Variants in MTDH observed in about 807,000 individuals in gnomAD.
MTDH encodes metadherin.
MTDH carries 34 observed loss-of-function variants against 72.7 expected under a neutral mutation model. That is an observed-to-expected ratio of 0.47 (90% CI 0.36 to 0.62). The LOEUF (loss-of-function observed/expected upper bound fraction) is 0.62, where lower values mean the gene tolerates loss of function less well. Ranked by LOEUF, MTDH falls within the 20% of genes least tolerant of loss-of-function variation. The pLI is 0.00. For missense variants in MTDH, 677 were observed against 699.4 expected, an observed-to-expected ratio of 0.97 and a Z score of 0.36; for synonymous variants, 266 against 268.9, an observed-to-expected ratio of 0.99 and a Z score of 0.10.
Position 97,719,115 on chromosome 8 carries a change from A to G in MTDH, c.1447A>G (p.Lys483Glu). The G allele has an allele frequency of 6.2e-7, 1 of 1,614,116 alleles. No homozygotes were observed. Among genetic ancestry groups the G allele is most frequent in the Non-Finnish European group, 8.5e-7 (1 of 1,179,958 alleles). Residue 483 changes from lysine (K) to glutamate (E), a missense_variant, in exon 10 of 12, where the codon AAA becomes GAA. Lys to Glu is a moderately conservative substitution (Grantham distance 56, BLOSUM62 1). Around this residue, in one of 3 missense-constraint regions of MTDH, gnomAD observed 201 missense variants for 204.5 expected, o/e 0.98. Coordinates refer to ENST00000336273, the MANE Select transcript of MTDH (RefSeq NM_178812.4). ...LPVNTSKTRP[K>E]QEKAFSLKTI... ...AGTGAATACCTCTAAAACCCGTCCA[A>G]AACAGGAAAAAGCTTTTTCCTTGAA...
chr8:97,686,151 G>A (rs991817484), intron 2 of MTDH, among the ~76,000 whole-genome samples: 11 of 152,144 alleles, frequency 7.2e-5, no homozygotes, highest in Admixed American at 7.2e-4. Flanking sequence ...TCTGCTTTAT[G>A]CAATCCAAAA....
At chr8:97,672,041 A>G (rs878902642) in intron 2 of MTDH, among the ~76,000 whole-genome samples, 2 of 141,198 alleles carry the variant, frequency 1.4e-5, no homozygotes, top group Admixed American at 1.4e-4. Flanking sequence ...GAATATCTGC[A>G]TGCCCAAAGA....
chr8:97,697,191 G>A lies in MTDH; in HGVS notation c.1049-2563G>A, dbSNP rs562979858. On this transcript the variant is annotated intron_variant, in intron 6 of 11. Transcript: ENST00000336273. ...CCCAGTTTACTAATTTTGTAGTTCC[G>A]CAGCGTCTGGAATCACTAACCTAGA... 4.2e-3 allele frequency among the ~76,000 whole-genome samples: 541 copies of A among 127,642 alleles called. 9 individuals carry two copies. The highest frequency in any genetic ancestry group is 0.016 in the African/African-American group (490 of 31,180). The allele number at this position is 127,642 out of a possible 152,430, so 83.7% of individuals were successfully genotyped here.
At chr8:97,720,225 C>T (rs1185695108) in intron 10 of MTDH, among the ~76,000 whole-genome samples, 1 of 152,086 alleles carries the variant, frequency 6.6e-6, no homozygotes, top group African/African-American at 2.4e-5. Context: ...GCAGAGGTTG[C>T]AGTGAGCCAA....
chr8:97,697,883 T>C (rs972873900), intron 6 of MTDH, among the ~76,000 whole-genome samples: 1 of 152,150 alleles, frequency 6.6e-6, no homozygotes, highest in Non-Finnish European at 1.5e-5. Flanking sequence ...ATTCCCTTCA[T>C]ATATGCAGAG....
Position 97,644,478 on chromosome 8 carries a change from T to A in MTDH, c.-29T>A, listed in dbSNP as rs1373967462. The A allele has an allele frequency of 6.5e-7, 1 of 1,541,248 alleles. No homozygotes were observed. On this transcript the variant is annotated 5_prime_UTR_variant, in exon 1 of 12. Coordinates refer to ENST00000336273, the MANE Select transcript of MTDH (RefSeq NM_178812.4). ...ACTGCGTCTCCGCGCCCCGGCGTCATCCTGCGAGTCCCTCTGACGGGAGGG... is the reference window on the plus strand; with the variant it reads ...ACTGCGTCTCCGCGCCCCGGCGTCAACCTGCGAGTCCCTCTGACGGGAGGG...
chr8:97,690,560 T>TC (rs1813558325), intron 5 of MTDH, among the ~76,000 whole-genome samples: 1 of 152,228 alleles, frequency 6.6e-6, no homozygotes, highest in Non-Finnish European at 1.5e-5. Context: ...CTCCAGGGTC[T>TC]ATTGTTAATA....
At chr8:97,650,649 C>A (rs76133915) in intron 1 of MTDH, among the ~76,000 whole-genome samples, 2 of 152,194 alleles carry the variant, frequency 1.3e-5, no homozygotes, top group Non-Finnish European at 2.9e-5. Flanking sequence ...TTCCCTAGCT[C>A]CTCAGCTAGA....
At chr8:97,658,724 T>C (rs1812067674) in intron 1 of MTDH, among the ~76,000 whole-genome samples, 1 of 152,132 alleles carries the variant, frequency 6.6e-6, no homozygotes, top group African/African-American at 2.4e-5. Context: ...ACTATAGAAC[T>C]GAAGCTGCAA....
At chr8:97,690,643 A>ATAAT (rs35549098) in intron 5 of MTDH, among the ~76,000 whole-genome samples, 63,234 of 151,712 alleles carry the variant, frequency 0.42, 14,245 homozygotes, top group East Asian at 0.63. Context: ...ATATATATAA[A>ATAAT]TAAGGAAAGA....
At chr8:97,669,013 C>G (rs1269642064) in intron 2 of MTDH, among the ~76,000 whole-genome samples, 1 of 152,178 alleles carries the variant, frequency 6.6e-6, no homozygotes, top group African/African-American at 2.4e-5. Flanking sequence ...TCTCCCACTT[C>G]TTACCCTCTC....
chr8:97,693,160 T>C (rs1813687251), intron 6 of MTDH, among the ~76,000 whole-genome samples: 2 of 152,202 alleles, frequency 1.3e-5, no homozygotes, highest in Non-Finnish European at 2.9e-5. Context: ...TAATTTATAC[T>C]CAAAGCATCA....
At chr8:97,699,297 A>G (rs894668779) in intron 6 of MTDH, among the ~76,000 whole-genome samples, 2 of 152,088 alleles carry the variant, frequency 1.3e-5, no homozygotes, top group East Asian at 3.8e-4. Context: ...CGAAAAAAGA[A>G]AAAAAGCCCA....
chr8:97,718,725 G>A (rs1188435457), intron 9 of MTDH, among the ~76,000 whole-genome samples: 1 of 146,520 alleles, frequency 6.8e-6, no homozygotes, highest in South Asian at 2.2e-4. Context: ...TTTTTTCTTT[G>A]AGACAGAATC....
intron 2 of MTDH, among the ~76,000 whole-genome samples, chr8:97,685,372 G>C (rs191301700): frequency 6.6e-6 from 1 of 152,050 alleles, no homozygotes; most frequent in Admixed American, 6.5e-5. Flanking sequence ...GTAATCTCTT[G>C]TCAAAGACAA....
At chr8:97,707,740 G>A (rs1365616538) in intron 8 of MTDH, among the ~76,000 whole-genome samples, 12 of 151,580 alleles carry the variant, frequency 7.9e-5, no homozygotes, top group South Asian at 2.1e-4. Context: ...GAAAGGATCC[G>A]GAATAAACTA....
At chr8:97,722,128 GT>G (rs1815154503) in intron 10 of MTDH, among the ~76,000 whole-genome samples, 1 of 152,192 alleles carries the variant, frequency 6.6e-6, no homozygotes, top group African/African-American at 2.4e-5. Flanking sequence ...GCCAGTCTCA[GT>G]GGTTCACGCC....
chr8:97,644,553 A>G lies in MTDH; in HGVS notation c.47A>G (p.Glu16Gly). 1 of 1,601,782 alleles carries G rather than the reference A, an allele frequency of 6.2e-7. No individual in the cohort carries two copies. The change falls in exon 1 of 12, where the codon GAG (glutamate) becomes GGG (glycine). Residue 16 changes from glutamate to glycine, a missense_variant. Transcript: ENST00000336273. ...GACGAGCTGGCCCAGCAGGCCGAGG[A>G]GGGCTCGGCCCGGCTGCGGGAAATG... ...WQDELAQQAE[E>G]GSARLREMLS...
intron 1 of MTDH, among the ~76,000 whole-genome samples, chr8:97,653,137 AAG>A (rs1267969086): frequency 6.6e-6 from 1 of 152,148 alleles, no homozygotes; most frequent in Non-Finnish European, 1.5e-5. Context: ...AAAAAAAAAA[AAG>A]AATAATCATT....
Sources: allele counts gnomAD v4.1 joint callset (sites outside exome capture counted in the v4.1 genomes callset), GRCh38; gene constraint gnomAD v4.1.1; regional missense constraint gnomAD v4.1.1; transcripts MANE v1.5; gene names NCBI Gene and HGNC (gene_info 2026-07-23, HGNC 2026-07-21).